Variants in RFC3 observed in about 807,000 individuals in gnomAD.
The protein encoded by RFC3 is A1 38 kDa subunit.
In RFC3, 41 loss-of-function variants were observed where a neutral mutation model predicts 45.1. The observed-to-expected ratio is 0.91, with a 90% CI of 0.71 to 1.18. The LOEUF (loss-of-function observed/expected upper bound fraction) is 1.18, where lower values mean the gene tolerates loss of function less well. RFC3 is among the 50% of genes most tolerant of loss of function. RFC3 has a pLI of 0.00. For missense variants in RFC3, 423 were observed against 428.1 expected (o/e 0.99, Z 0.10); for synonymous variants, 149 against 144.0 (o/e 1.03, Z -0.25).
intron 8 of RFC3, among the ~76,000 whole-genome samples, chr13:33,961,351 C>T (rs1285811574): frequency 6.6e-6 from 1 of 152,180 alleles, no homozygotes; most frequent in Admixed American, 6.5e-5. Flanking sequence ...CTATGTTACC[C>T]TGGGCCTATG....
rs567183319 is a variant in RFC3, at chr13:33,933,884, A to T, written c.880-32203A>T. Among the ~76,000 whole-genome samples, 120 of 152,128 alleles carry T rather than the reference A, an allele frequency of 7.9e-4. 2 individuals carry two copies. Among genetic ancestry groups the T allele is most frequent in the Non-Finnish European group, 1.2e-3 (82 of 67,990 alleles). On this transcript the variant is annotated intron_variant, in intron 8 of 8. Coordinates refer to the RFC3 transcript ENST00000434425. The stretch of plus-strand genomic sequence containing the variant: ...CTACGTTAAATTAAGAGAAATATGT[A>T]ATTTAATGTGAGAGTAACAGGAGAC...
intron 8 of RFC3, among the ~76,000 whole-genome samples, chr13:33,959,400 T>C (rs1185863487): frequency 6.6e-6 from 1 of 152,164 alleles, no homozygotes; most frequent in Non-Finnish European, 1.5e-5. Flanking sequence ...CCCTGTGACC[T>C]AGACACAAAT....
downstream of RFC3, among the ~76,000 whole-genome samples, chr13:33,840,742 C>T (rs2082192281): frequency 6.6e-6 from 1 of 151,344 alleles, no homozygotes; most frequent in African/African-American, 2.4e-5. Context: ...TTTGAAAATA[C>T]TCATGGAAAA....
chr13:33,949,522 T>C (rs1482861255), intron 8 of RFC3, among the ~76,000 whole-genome samples: 1 of 152,198 alleles, frequency 6.6e-6, no homozygotes, highest in African/African-American at 2.4e-5. Flanking sequence ...CAAATTAAAA[T>C]AGTATTCCAT....
At chr13:33,895,023 A>C (rs1413262915) in intron 8 of RFC3, among the ~76,000 whole-genome samples, 4 of 152,202 alleles carry the variant, frequency 2.6e-5, no homozygotes, top group Admixed American at 6.5e-5. Flanking sequence ...CAAGGATTTA[A>C]ATGTAAGACC....
chr13:33,876,520 G>A (rs552035555), intron 8 of RFC3, among the ~76,000 whole-genome samples: 1 of 152,208 alleles, frequency 6.6e-6, no homozygotes, highest in South Asian at 2.1e-4. Context: ...ATTTAGAAAC[G>A]TGTTTAGTAG....
intron 8 of RFC3, among the ~76,000 whole-genome samples, chr13:33,914,232 A>C (rs1566026269): frequency 1.3e-5 from 2 of 152,130 alleles, no homozygotes; most frequent in Non-Finnish European, 2.9e-5. Flanking sequence ...TTGGAAGAAA[A>C]ATGGAACCAC....
chr13:33,826,211 C>T (rs1293119153), intron 4 of RFC3, among the ~76,000 whole-genome samples: 1 of 152,130 alleles, frequency 6.6e-6, no homozygotes, highest in Non-Finnish European at 1.5e-5. Context: ...CATCCAGAGA[C>T]AGCTACTAAT....
chr13:33,951,278 G>T (rs1408544140), intron 8 of RFC3, among the ~76,000 whole-genome samples: 5 of 150,266 alleles, frequency 3.3e-5, no homozygotes, highest in Non-Finnish European at 7.4e-5. Flanking sequence ...TGTTGCCCAG[G>T]CTGGAGTGCA....
chr13:33,841,540 A>G (rs1418422528), downstream of RFC3, among the ~76,000 whole-genome samples: 1 of 152,222 alleles, frequency 6.6e-6, no homozygotes, highest in Non-Finnish European at 1.5e-5. Context: ...TCTGTAGCTT[A>G]TATAATAATA....
intron 7 of RFC3, among the ~76,000 whole-genome samples, chr13:33,834,489 C>T (rs2139422583): frequency 1.3e-5 from 2 of 150,550 alleles, no homozygotes; most frequent in Middle Eastern, 6.8e-3. Flanking sequence ...ATGAAGGACT[C>T]AGAGGTTTGA....
chr13:33,949,276 T>C (rs1418882793), intron 8 of RFC3, among the ~76,000 whole-genome samples: 1 of 152,186 alleles, frequency 6.6e-6, no homozygotes, highest in Non-Finnish European at 1.5e-5. Flanking sequence ...TGTGAAGAAG[T>C]GCCTTTTGCC....
the RFC3 span, among the ~76,000 whole-genome samples, chr13:33,976,041 T>C: frequency 2.0e-5 from 3 of 152,152 alleles, no homozygotes; most frequent in Admixed American, 6.6e-5. Flanking sequence ...GAGTAATTTG[T>C]GCTGCAAGAA....
intron 8 of RFC3, among the ~76,000 whole-genome samples, chr13:33,865,479 A>C (rs114260856): frequency 1.9e-5 from 1 of 53,286 alleles, no homozygotes; most frequent in Non-Finnish European, 9.2e-5. Context: ...GCATAAGAAA[A>C]GAGTAACAGG....
intron 8 of RFC3, among the ~76,000 whole-genome samples, chr13:33,949,603 C>T (rs1173662971): frequency 4.6e-5 from 7 of 152,106 alleles, no homozygotes; most frequent in Non-Finnish European, 1.0e-4. Context: ...CTGTGGTGTG[C>T]AGTAGAAGTC....
chr13:33,834,329 T>TATATATATATATATATATATATAC (rs1300798923), intron 7 of RFC3, among the ~76,000 whole-genome samples: 1 of 125,106 alleles, frequency 8.0e-6, no homozygotes, highest in African/African-American at 3.4e-5. Context: ...TATATATATA[T>TATATATATATATATATATATATAC]ATCTGTACTG....
chr13:33,950,402 G>A (rs1036141414), intron 8 of RFC3, among the ~76,000 whole-genome samples: 1 of 151,930 alleles, frequency 6.6e-6, no homozygotes, highest in South Asian at 2.1e-4. Context: ...TAATGAAAAA[G>A]GAAAAAAGTC....
chr13:33,938,109 CA>C (rs1215784450), intron 8 of RFC3, among the ~76,000 whole-genome samples: 1 of 132,192 alleles, frequency 7.6e-6, no homozygotes, highest in East Asian at 2.5e-4. Context: ...AGGATGTTTG[CA>C]AATGTCCTAA....
At chr13:33,950,006 A>T (rs1008093741) in intron 8 of RFC3, among the ~76,000 whole-genome samples, 3 of 151,744 alleles carry the variant, frequency 2.0e-5, no homozygotes, top group Admixed American at 6.6e-5. Flanking sequence ...CTGACTGCAG[A>T]TCGTGGGACT....
Sources: gnomAD v4.1 joint callset for allele counts (sites outside exome capture counted in the v4.1 genomes callset) on GRCh38, gnomAD v4.1.1 for gene constraint, MANE v1.5 for transcripts, NCBI Gene and HGNC (gene_info 2026-07-23, HGNC 2026-07-21) for gene names.